The following PEBP4 variants were observed in gnomAD, a reference collection of about 807,000 sequenced individuals.
PEBP4 encodes phosphatidylethanolamine binding protein 4.
In PEBP4, 22 loss-of-function variants were observed where a neutral mutation model predicts 23.9. That is an observed-to-expected ratio of 0.92 (90% CI 0.66 to 1.31). The LOEUF (loss-of-function observed/expected upper bound fraction) is 1.31. PEBP4 is among the 40% of genes most tolerant of loss of function. The probability of loss-of-function intolerance (pLI) is 0.00; values close to 1 mark genes in which losing one functional copy is unlikely to be tolerated. For missense variants in PEBP4, 324 were observed against 281.7 expected, an observed-to-expected ratio of 1.15 and a Z score of -1.07; for synonymous variants, 112 against 99.3, an observed-to-expected ratio of 1.13 and a Z score of -0.76.
At chr8:22,817,448 C>T (rs140531386) in intron 4 of PEBP4, among the ~76,000 whole-genome samples, 189 bp downstream of exon 4, 5 of 152,300 alleles carry the variant, frequency 3.3e-5, no homozygotes, top group Non-Finnish European at 7.3e-5. Flanking sequence ...ACCAGCATAC[C>T]ACTGGCCCTG....
chr8:22,923,117 G>A (rs1477724443), intron 2 of PEBP4, among the ~76,000 whole-genome samples: 3 of 152,182 alleles, frequency 2.0e-5, no homozygotes, highest in Non-Finnish European at 2.9e-5. Context: ...CAGCTGCTAC[G>A]TGTTGGAGTG....
chr8:22,868,334 C>T (rs879593118), intron 3 of PEBP4, among the ~76,000 whole-genome samples: 2 of 152,080 alleles, frequency 1.3e-5, no homozygotes, highest in East Asian at 1.9e-4. Flanking sequence ...TGGATTTGTT[C>T]GCCTGCTTTC....
chr8:22,843,255 G>A (rs928292029), intron 3 of PEBP4, among the ~76,000 whole-genome samples: 9 of 152,178 alleles, frequency 5.9e-5, no homozygotes, highest in South Asian at 2.1e-4. Flanking sequence ...AAGCCACTGC[G>A]CCTGGCCAGG....
chr8:22,744,549 G>A (rs970239280), intron 4 of PEBP4: 8 of 152,284 alleles, frequency 5.3e-5, no homozygotes, highest in Admixed American at 1.3e-4. Context: ...CAGGTTCCTC[G>A]TGCCCCTAAC....
At chr8:22,718,928 A>G (rs1313322930) in intron 6 of PEBP4, among the ~76,000 whole-genome samples, 1 of 151,986 alleles carries the variant, frequency 6.6e-6, no homozygotes, top group Non-Finnish European at 1.5e-5. Context: ...CTCTGCAGCA[A>G]CATCTCCTAC....
chr8:22,912,879 G>A (rs1278530582), intron 3 of PEBP4, among the ~76,000 whole-genome samples: 2 of 152,150 alleles, frequency 1.3e-5, no homozygotes, highest in South Asian at 2.1e-4. Context: ...GACCTGATTC[G>A]TCCTTGCCTG....
intron 3 of PEBP4, among the ~76,000 whole-genome samples, chr8:22,840,286 G>A (rs975934581): frequency 1.3e-5 from 2 of 152,100 alleles, no homozygotes; most frequent in African/African-American, 2.4e-5. Flanking sequence ...GGGGACTGGT[G>A]GGCCTTTAAC....
chr8:22,759,484 C>G (rs996128092), intron 4 of PEBP4, among the ~76,000 whole-genome samples: 3 of 152,090 alleles, frequency 2.0e-5, no homozygotes, highest in Non-Finnish European at 4.4e-5. Context: ...GGCACCCATC[C>G]TCTCAACAAG....
intron 2 of PEBP4, among the ~76,000 whole-genome samples, chr8:22,922,721 A>T (rs951017384): frequency 6.6e-6 from 1 of 151,862 alleles, no homozygotes; most frequent in Non-Finnish European, 1.5e-5. Flanking sequence ...GCAAGACCCT[A>T]TCTCAAAAAC....
At chr8:22,818,336 C>A (rs1806789673) in intron 3 of PEBP4, among the ~76,000 whole-genome samples, 1 of 151,944 alleles carries the variant, frequency 6.6e-6, no homozygotes, top group Non-Finnish European at 1.5e-5. Flanking sequence ...AATAAATAAG[C>A]AAGGGAACGT....
chr8:22,723,405 G>A (rs1198902933), intron 6 of PEBP4, among the ~76,000 whole-genome samples: 2 of 152,020 alleles, frequency 1.3e-5, no homozygotes, highest in Admixed American at 6.6e-5. Flanking sequence ...GGCATCTCCC[G>A]ATGCTCTATC....
chr8:22,910,430 G>C (rs1163816820), intron 3 of PEBP4, among the ~76,000 whole-genome samples: 1 of 152,228 alleles, frequency 6.6e-6, no homozygotes, highest in Non-Finnish European at 1.5e-5. Flanking sequence ...CCCTCAAGAA[G>C]TTTATGTTCT....
At chr8:22,737,424 T>C (rs1804889417) in intron 4 of PEBP4, among the ~76,000 whole-genome samples, 2 of 151,148 alleles carry the variant, frequency 1.3e-5, no homozygotes, top group African/African-American at 4.9e-5. Context: ...GGGACCCACC[T>C]CTTGCGGAGT....
chr8:22,740,408 C>T (rs574343523), intron 4 of PEBP4, among the ~76,000 whole-genome samples: 165 of 152,308 alleles, frequency 1.1e-3, no homozygotes, highest in African/African-American at 3.8e-3. Flanking sequence ...GGGAGCTTAT[C>T]AGAAATGCAG....
intron 6 of PEBP4, among the ~76,000 whole-genome samples, chr8:22,717,678 G>A (rs914942186): frequency 1.3e-5 from 2 of 152,184 alleles, no homozygotes; most frequent in Admixed American, 6.5e-5. Flanking sequence ...CTCCGGCTCC[G>A]AACAGCCCTG....
intron 6 of PEBP4, among the ~76,000 whole-genome samples, chr8:22,722,334 C>A (rs142015563): frequency 2.7e-4 from 41 of 152,336 alleles, no homozygotes; most frequent in African/African-American, 9.9e-4. Flanking sequence ...CTGGAGCCAA[C>A]CCCTTATTTT....
intron 3 of PEBP4, among the ~76,000 whole-genome samples, chr8:22,863,156 G>T (rs1170452738): frequency 1.3e-5 from 2 of 152,240 alleles, no homozygotes; most frequent in South Asian, 2.1e-4. Flanking sequence ...GCAGTGAAAG[G>T]CGGCTGTGGA....
Position 22,858,151 on chromosome 8 carries a change from C to A in PEBP4, c.259-40416G>T, listed in dbSNP as rs934159347. Among the ~76,000 whole-genome samples the A allele has an allele frequency of 4.6e-5, 7 of 152,172 alleles. 1 individual carries two copies. The highest frequency in any genetic ancestry group is 1.0e-4 in the Non-Finnish European group (7 of 68,034). ...GTGAGAAGGGATAGCTTCAGCAGCA[C>A]CCACAGACCCAGCTAGTCAAAGAGG... On this transcript the variant is annotated intron_variant, in intron 3 of 6. Coordinates refer to ENST00000256404, the MANE Select transcript of PEBP4 (RefSeq NM_144962.3).
At chr8:22,805,787 T>C (rs74487205) in intron 4 of PEBP4, among the ~76,000 whole-genome samples, 2 of 81,256 alleles carry the variant, frequency 2.5e-5, no homozygotes, top group African/African-American at 9.3e-5. Context: ...ATAAAGTCTA[T>C]TTTTTTTTAA....
Sources: gnomAD v4.1 joint callset for allele counts (sites outside exome capture counted in the v4.1 genomes callset) on GRCh38, gnomAD v4.1.1 for gene constraint, MANE v1.5 for transcripts, NCBI Gene and HGNC (gene_info 2026-07-23, HGNC 2026-07-21) for gene names.